The following CDK11A variants were observed in gnomAD, a reference collection of about 807,000 sequenced individuals.
CDK11A encodes cyclin dependent kinase 11A.
CDK11A carries 55 observed loss-of-function variants against 83.6 expected under a neutral mutation model. The observed-to-expected ratio is 0.66, with a 90% confidence interval of 0.53 to 0.82. CDK11A has a LOEUF of 0.82. CDK11A is among the 40% of genes least tolerant of loss of function. CDK11A has a pLI of 0.00. For synonymous variants in CDK11A, 247 were observed against 302.7 expected, an observed-to-expected ratio of 0.82 and a Z score of 1.91; for missense variants, 564 against 810.1, an observed-to-expected ratio of 0.70 and a Z score of 3.69.
intron 6 of CDK11A, among the ~76,000 whole-genome samples, chr1:1,710,807 G>C (rs570324628): frequency 1.2e-3 from 153 of 128,296 alleles, no homozygotes; most frequent in African/African-American, 3.9e-3. Flanking sequence ...AGAAACCAGA[G>C]AGAAATTCCA....
Position 1,716,500 on chromosome 1 carries a change from TGC to T in CDK11A, c.356-24_356-23del, listed in dbSNP as rs201839990. On this transcript the variant is annotated intron_variant, in intron 4 of 19. Coordinates refer to ENST00000404249, the MANE Select transcript of CDK11A (RefSeq NM_024011.4). ...TTCCCTAATGAGAAATAAAGTGTCA[TGC>T]AAAGAAACCTCACTTCAAAAATTTC... 5,549 of 1,604,344 alleles carry T rather than the reference TGC, an allele frequency of 3.5e-3. 341 individuals carry two copies. The African/African-American group carries it at 0.064, about 18-fold the overall frequency.
In CDK11A at chr1:1,703,988, G is replaced by A. The variant is rs1644196255; in HGVS notation, c.1795-48C>T. On this transcript the variant is annotated intron_variant, in intron 16 of 19. Coordinates refer to ENST00000404249, the MANE Select transcript of CDK11A (RefSeq NM_024011.4). ...CAGGAAGGCCAGTGCCCGCGAAGCT[G>A]TGGGAGGCTGCATGGGGGACAGGGG... is the stretch of plus-strand genomic sequence containing the variant. 10 of 1,606,518 alleles carry A rather than the reference G, an allele frequency of 6.2e-6. 1 individual carries two copies. The South Asian group carries it at 1.1e-4, about 18-fold the overall frequency.
chr1:1,718,154 GCT>G (rs1251085657), intron 4 of CDK11A, among the ~76,000 whole-genome samples: 11 of 144,864 alleles, frequency 7.6e-5, no homozygotes, highest in African/African-American at 2.3e-4. Context: ...GCTAGAGTTT[GCT>G]CTCTCTGGTT....
chr1:1,704,590 G>A lies in CDK11A; in HGVS notation c.1524C>T (p.Leu508=). The stretch of plus-strand genomic sequence containing the variant: ...GTTTCATGGTCTCCATCAGGCTCTT[G>A]AGGTCGTGCTCCACGTAGTTCATCA... ...YIVMNYVEHD[L]KSLMETMKQP... Residue 508 remains leucine (L), a synonymous_variant, in exon 14 of 20, where the codon CTC becomes CTT. Coordinates refer to ENST00000404249, the MANE Select transcript of CDK11A (RefSeq NM_024011.4). 1.9e-6 allele frequency: 3 copies of A among 1,603,696 alleles called. No homozygotes were observed. Among genetic ancestry groups the A allele is most frequent in the Non-Finnish European group, 2.6e-6 (3 of 1,174,390 alleles).
intron 2 of CDK11A, 157 bp from the exon 3 acceptor site, chr1:1,721,868 T>A (rs2101360343): frequency 2.8e-6 from 3 of 1,078,938 alleles, no homozygotes; most frequent in Middle Eastern, 6.4e-4. Flanking sequence ...AAAGAATTTT[T>A]GGCCAGGTGC....
intron 11 of CDK11A, among the ~76,000 whole-genome samples, chr1:1,706,223 C>T (rs1227071213): frequency 6.7e-6 from 1 of 150,274 alleles, no homozygotes; most frequent in Non-Finnish European, 1.5e-5. Flanking sequence ...TAGGTACGCA[C>T]CACCACGCCA....
chr1:1,721,149 C>T (rs1341046410), intron 3 of CDK11A, among the ~76,000 whole-genome samples: 1 of 150,008 alleles, frequency 6.7e-6, no homozygotes, highest in Non-Finnish European at 1.5e-5. Flanking sequence ...GCCGAGATGG[C>T]GCCACTGCAC....
At chr1:1,719,615 CTT>C (rs750830146) in intron 3 of CDK11A, among the ~76,000 whole-genome samples, 160 bp from the exon 4 acceptor site, 2,950 of 45,882 alleles carry the variant, frequency 0.064, 146 homozygotes, top group African/African-American at 0.13. Flanking sequence ...CTTCAGGCAT[CTT>C]TTTTTTTTTT....
intron 5 of CDK11A, 82 bp downstream of exon 5, chr1:1,716,264 T>G (rs1644638207): frequency 2.0e-6 from 3 of 1,489,004 alleles, no homozygotes; most frequent in Non-Finnish European, 2.8e-6. Flanking sequence ...TGACTTCTAT[T>G]GCCAAATTCT....
chr1:1,703,347 G>T lies in CDK11A; in HGVS notation c.2061-78C>A. On this transcript the variant is annotated intron_variant, in intron 18 of 19. Coordinates refer to ENST00000404249, the MANE Select transcript of CDK11A (RefSeq NM_024011.4). ...CCCCAAAGATGGGCTGTGTTGGGAC[G>T]GGGCTCAGGGCATGGGACGCCAGGC... 2.6e-6 allele frequency: 2 copies of T among 770,614 alleles called. 1 individual carries two copies. The highest frequency in any genetic ancestry group is 3.8e-5 in the South Asian group (2 of 52,368). 47.7% of individuals were successfully genotyped at this position (770,614 alleles called of 1,614,324 possible).
rs771167585 is a variant in CDK11A, at chr1:1,716,471, A to C, written c.363T>G (p.His121Gln). 1 of 1,608,196 alleles carries C rather than the reference A, an allele frequency of 6.2e-7. No homozygotes were observed. The highest frequency in any genetic ancestry group is 8.5e-7 in the Non-Finnish European group (1 of 1,176,324). Reference sequence around the variant, plus strand: ...CGTGCTCTCTTTCTTTCACTCTAGCATGCTTCCCTAATGAGAAATAAAGTG... The same window carrying C: ...CGTGCTCTCTTTCTTTCACTCTAGCCTGCTTCCCTAATGAGAAATAAAGTG... ...HHSHSAEGGK[H>Q]ARVKEREHER... The change falls in exon 5 of 20, where the codon CAT becomes CAG. Residue 121 changes from histidine to glutamine, a missense_variant. Around this residue, in one of 5 missense-constraint regions of CDK11A, gnomAD observed 151 missense variants for 147.4 expected, o/e 1.02. Coordinates refer to ENST00000404249, the MANE Select transcript of CDK11A (RefSeq NM_024011.4).
At position 1,708,833 on chromosome 1, in the gene CDK11A, TCTCCTC is replaced by T. The variant is rs1161623383; in HGVS notation, c.958_963del (p.Glu320_Glu321del). 4.5e-5 allele frequency: 67 copies of T among 1,474,896 alleles called. No individual in the cohort carries two copies. Among genetic ancestry groups the T allele is most frequent in the Non-Finnish European group, 6.0e-5 (65 of 1,085,268 alleles). 91.4% of individuals were successfully genotyped at this position (1,474,896 alleles called of 1,614,324 possible). A position where few individuals can be genotyped will look rare whatever the true frequency, so the allele number is the denominator to read the frequency against. ...GATGCCTCCTCAGAGTTGCTGCCGGTCTCCTCCTCCTCCTCTTCCTCTTCCTCCTCC... is the reference window on the plus strand; with the variant it reads ...GATGCCTCCTCAGAGTTGCTGCCGGTCTCCTCCTCTTCCTCTTCCTCCTCC... On this transcript the variant is annotated inframe_deletion, in exon 9 of 20. Transcript: ENST00000404249.
chr1:1,703,347 G>A (rs1644157193), intron 18 of CDK11A, 78 bp from the exon 19 acceptor site: 7 of 770,618 alleles, frequency 9.1e-6, no homozygotes, highest in Non-Finnish European at 9.2e-6. Context: ...GTGTTGGGAC[G>A]GGGCTCAGGG....
chr1:1,720,455 G>A (rs1291428142), intron 3 of CDK11A, among the ~76,000 whole-genome samples: 7 of 150,556 alleles, frequency 4.6e-5, no homozygotes, highest in South Asian at 2.1e-4. Flanking sequence ...GTCCAGCGGC[G>A]CAATCTTGGC....
chr1:1,707,709 GCT>G (rs1381587363), intron 10 of CDK11A, 125 bp from the exon 11 acceptor site: 7 of 980,378 alleles, frequency 7.1e-6, no homozygotes, highest in African/African-American at 2.0e-5. Context: ...CTGGCGCTGG[GCT>G]CTCGTCCCCT....
In CDK11A at chr1:1,705,222, C is replaced by A. The variant is rs537117616; in HGVS notation, c.1337-197G>T. Among the ~76,000 whole-genome samples, 7 of 122,566 alleles carry A rather than the reference C, an allele frequency of 5.7e-5. 1 individual carries two copies. In the East Asian group the frequency reaches 1.5e-3, roughly 27 times the overall value. 80.4% of individuals were successfully genotyped at this position (122,566 alleles called of 152,430 possible). A position where few individuals can be genotyped will look rare whatever the true frequency, so the allele number is the denominator to read the frequency against. On this transcript the variant is annotated intron_variant, in intron 12 of 19. Transcript: ENST00000404249. ...TCGGCAACACCCACGGCTTCCCACT[C>A]AACACACCACAGACACTCACAGCCA...
Position 1,704,055 on chromosome 1 carries a change from A to G in CDK11A, c.1778T>C (p.Leu593Pro). The change falls in exon 16 of 20, where the codon CTG becomes CCG. Residue 593 changes from leucine to proline, a missense_variant. This residue lies in a region of CDK11A where 361 missense variants were observed against 402.7 expected (regional missense o/e 0.90). Coordinates refer to ENST00000404249, the MANE Select transcript of CDK11A (RefSeq NM_024011.4). Reference sequence around the variant, plus strand: ...AGGACTCACCTTGGCACCAAGCAGCAGCTCTGGGGCGCGGTACCACTGGGT... The same window carrying G: ...AGGACTCACCTTGGCACCAAGCAGCGGCTCTGGGGCGCGGTACCACTGGGT... Reference protein sequence around the residue: ...VVTQWYRAPELLLGAKEYSTA... With the variant: ...VVTQWYRAPEPLLGAKEYSTA... 6.3e-7 allele frequency: 1 copy of G among 1,595,712 alleles called. No homozygotes were observed.
chr1:1,716,089 G>C (rs760931), intron 5 of CDK11A, among the ~76,000 whole-genome samples: 120,647 of 149,888 alleles, frequency 0.8, 51,069 homozygotes, highest in Non-Finnish European at 0.93. Flanking sequence ...TGCGCCCGGC[G>C]GGACGTGCAG....
intron 2 of CDK11A, 79 bp from the exon 3 acceptor site, chr1:1,721,790 T>C (rs1263847018): frequency 1.4e-6 from 2 of 1,412,752 alleles, no homozygotes; most frequent in East Asian, 5.0e-5. Context: ...TTAATGATAA[T>C]CAAACCTGGG....
Sources: allele counts gnomAD v4.1 joint callset (sites outside exome capture counted in the v4.1 genomes callset), GRCh38; gene constraint gnomAD v4.1.1; regional missense constraint gnomAD v4.1.1; transcripts MANE v1.5; gene names NCBI Gene and HGNC (gene_info 2026-07-23, HGNC 2026-07-21).